The following ADRA1A variants were observed in gnomAD, a reference collection of about 807,000 sequenced individuals.
The protein encoded by ADRA1A is alpha-1A adrenergic receptor.
Under a neutral mutation model 29.6 loss-of-function variants are expected in ADRA1A, and 31 were observed. The observed-to-expected ratio is 1.05, with a 90% CI of 0.79 to 1.41. The LOEUF is 1.41. Among genes scored for constraint, ADRA1A ranks in the 40% most tolerant of loss-of-function variants. The pLI is 0.00. For synonymous variants in ADRA1A, 311 were observed against 254.3 expected, an observed-to-expected ratio of 1.22 and a Z score of -2.12; for missense variants, 619 against 601.1, an observed-to-expected ratio of 1.03 and a Z score of -0.31.
Position 26,823,372 on chromosome 8 carries a change from T to A in ADRA1A, c.883+40715A>T, listed in dbSNP as rs937926160. Among the ~76,000 whole-genome samples, 7 of 152,118 alleles carry A rather than the reference T, an allele frequency of 4.6e-5. No individual in the cohort carries two copies. The highest frequency in any genetic ancestry group is 4.6e-4 in the Admixed American group (7 of 15,266). Reference sequence around the variant, plus strand: ...TCACAGAATTCATCATCAAGATAGGTCATGAATGGGAATGCACACCAGTGT... The same window carrying A: ...TCACAGAATTCATCATCAAGATAGGACATGAATGGGAATGCACACCAGTGT... On this transcript the variant is annotated intron_variant, in intron 2 of 2. Coordinates refer to ENST00000380573, the MANE Select transcript of ADRA1A (RefSeq NM_000680.4). This position sits in a 1 kb window ranked among gnomAD's most constrained non-coding sequence, Gnocchi z 4.2.
At position 26,864,886 on chromosome 8, in the gene ADRA1A, C is replaced by T. The variant is rs769433940; in HGVS notation, c.84G>A (p.Leu28=). ...PAPVNISKAI[L]LGVILGGLIL... ...TGAGGCCCCCCAAGATCACCCCGAG[C>T]AGAATGGCCTTGGAAATGTTCACCG... Residue 28 remains leucine, a synonymous_variant, in exon 2 of 3, where the codon CTG becomes CTA. Transcript: ENST00000380573. This position sits in a 1 kb window ranked among gnomAD's most constrained non-coding sequence, Gnocchi z 8.1. 1 of 1,614,014 alleles carries T rather than the reference C, an allele frequency of 6.2e-7. No individual in the cohort carries two copies. The highest frequency in any genetic ancestry group is 2.2e-5 in the East Asian group (1 of 44,844).
At chr8:26,756,310 C>A, downstream of ADRA1A, 1 of 591,318 alleles carries the variant, frequency 1.7e-6, no homozygotes, top group Admixed American at 3.7e-5. Context: ...ATGAATACAT[C>A]TCTTAAGAAT....
chr8:26,815,197 A>T lies in ADRA1A; in HGVS notation c.884-44531T>A, dbSNP rs1380602356. Among the ~76,000 whole-genome samples, 1 of 152,340 alleles carries T rather than the reference A, an allele frequency of 6.6e-6. No homozygotes were observed. The highest frequency in any genetic ancestry group is 2.1e-4 in the South Asian group (1 of 4,820). ...AAATCTTGTGGTAAACTATAATAGG[A>T]TAACAGTCTTAAATAGATACTTGAA... On this transcript the variant is annotated intron_variant, in intron 2 of 2. Transcript: ENST00000380573. The surrounding 1 kb of genome is among the most constrained non-coding windows in gnomAD (Gnocchi z 4.2).
At chr8:26,842,908 C>CA (rs58232064) in intron 2 of ADRA1A, among the ~76,000 whole-genome samples, 14 of 143,914 alleles carry the variant, frequency 9.7e-5, no homozygotes, top group Non-Finnish European at 2.1e-4. Context: ...CACACACACA[C>CA]CACTCAAGGA....
chr8:26,769,262 G>A lies in ADRA1A; in HGVS notation c.*887C>T, dbSNP rs1429454661. Reference sequence around the variant, plus strand: ...GAAATGGCTGTGCAGTAAGTGAACAGCCTCTATCTTTGCAAGAAATTAACA... The same window carrying A: ...GAAATGGCTGTGCAGTAAGTGAACAACCTCTATCTTTGCAAGAAATTAACA... On this transcript the variant is annotated 3_prime_UTR_variant, in exon 3 of 3. Coordinates refer to ENST00000380573, the MANE Select transcript of ADRA1A (RefSeq NM_000680.4). The A allele has an allele frequency of 1.0e-6, 1 of 985,300 alleles. No homozygotes were observed. Among genetic ancestry groups the A allele is most frequent in the Non-Finnish European group, 1.2e-6 (1 of 829,932 alleles). The allele number at this position is 985,300 out of a possible 1,614,324, so 61.0% of individuals were successfully genotyped here. A position where few individuals can be genotyped will look rare whatever the true frequency, so the allele number is the denominator to read the frequency against.
At chr8:26,835,158 T>G (rs535491179) in intron 2 of ADRA1A, among the ~76,000 whole-genome samples, 36 of 152,356 alleles carry the variant, frequency 2.4e-4, no homozygotes, top group African/African-American at 7.5e-4. Flanking sequence ...TGCACCATTA[T>G]ATAACTCATC....
Position 26,859,093 on chromosome 8 carries a change from A to C in ADRA1A, c.883+4994T>G. 2.3e-6 allele frequency: 3 copies of C among 1,288,782 alleles called. No individual in the cohort carries two copies. In the African/African-American group the frequency reaches 4.6e-5, roughly 20 times the overall value. 79.8% of individuals were successfully genotyped at this position (1,288,782 alleles called of 1,614,324 possible). The stretch of plus-strand genomic sequence containing the variant: ...GTTTCACTTCTCAGCTGTGGATAGC[A>C]CACTCATCCCTGCCCTGGTTTCAGT... On this transcript the variant is annotated intron_variant, in intron 2 of 2. Coordinates refer to ENST00000380573, the MANE Select transcript of ADRA1A (RefSeq NM_000680.4).
chr8:26,764,228 C>A (rs528347314), downstream of ADRA1A, among the ~76,000 whole-genome samples: 1 of 152,200 alleles, frequency 6.6e-6, no homozygotes, highest in African/African-American at 2.4e-5. Flanking sequence ...GGGACCTCTA[C>A]GTTCCTGAGG....
intron 2 of ADRA1A, among the ~76,000 whole-genome samples, chr8:26,842,955 C>A (rs896554093): frequency 1.3e-5 from 2 of 151,788 alleles, no homozygotes; most frequent in Non-Finnish European, 2.9e-5. Context: ...GTGTTCACTC[C>A]TGTCTTGGAG....
intron 2 of ADRA1A, among the ~76,000 whole-genome samples, chr8:26,827,051 A>G (rs1333278381): frequency 6.6e-6 from 1 of 152,210 alleles, no homozygotes; most frequent in African/African-American, 2.4e-5. Flanking sequence ...GGAGGGCAAG[A>G]ACTGAATCTC....
At chr8:26,763,369 A>T (rs1275459095), downstream of ADRA1A, among the ~76,000 whole-genome samples, 1 of 151,896 alleles carries the variant, frequency 6.6e-6, no homozygotes, top group East Asian at 1.9e-4. The surrounding 1 kb of genome is among the most constrained non-coding windows in gnomAD (Gnocchi z 4.5). Context: ...TATTGTTGCT[A>T]CTCTTAGGGT....
rs1261037101 is a variant in ADRA1A at position 26,864,400 on chromosome 8, C to G, written c.570G>C (p.Leu190=). 2 of 1,613,516 alleles carry G rather than the reference C, an allele frequency of 1.2e-6. No homozygotes were observed. The highest frequency in any genetic ancestry group is 1.7e-6 in the Non-Finnish European group (2 of 1,180,022). ...EEPGYVLFSA[L]GSFYLPLAII... is the part of the protein sequence containing the mutation. ...TGGCCAGAGGCAGGTAGAAGGAGCC[C>G]AGCGCTGAGAAGAGCACGTAGCCCG... Residue 190 remains leucine (L), a synonymous_variant, in exon 2 of 3, where the codon CTG becomes CTC. Coordinates refer to ENST00000380573, the MANE Select transcript of ADRA1A (RefSeq NM_000680.4). This position sits in a 1 kb window ranked among gnomAD's most constrained non-coding sequence, Gnocchi z 8.1.
chr8:26,863,996 C>G, intron 2 of ADRA1A, 91 bp downstream of exon 2: 1 of 1,353,502 alleles, frequency 7.4e-7, no homozygotes, highest in Non-Finnish European at 1.0e-6. Context: ...CTAATCCTTC[C>G]TCTTCCATCC....
chr8:26,801,079 G>T (rs913439050), intron 2 of ADRA1A, among the ~76,000 whole-genome samples: 1 of 151,938 alleles, frequency 6.6e-6, no homozygotes, highest in Admixed American at 6.6e-5. Flanking sequence ...ATTCAACATC[G>T]CTTCATGATA....
In ADRA1A at chr8:26,815,217, C is replaced by T. The variant is rs1480970633; in HGVS notation, c.884-44551G>A. On this transcript the variant is annotated intron_variant, in intron 2 of 2. Coordinates refer to ENST00000380573, the MANE Select transcript of ADRA1A (RefSeq NM_000680.4). The surrounding 1 kb of genome is among the most constrained non-coding windows in gnomAD (Gnocchi z 4.2). ...ATAGGATAACAGTCTTAAATAGATA[C>T]TTGAAATCACATGCAGATTTCCTTT... is the stretch of plus-strand genomic sequence containing the variant. Among the ~76,000 whole-genome samples the T allele has an allele frequency of 6.6e-6, 1 of 152,134 alleles. No homozygotes were observed. Among genetic ancestry groups the T allele is most frequent in the Non-Finnish European group, 1.5e-5 (1 of 68,026 alleles).
chr8:26,757,232 G>A (rs61759712), intron 2 of ADRA1A: 56,184 of 685,316 alleles, frequency 0.082, 3,564 homozygotes, highest in East Asian at 0.28. Flanking sequence ...TCTGAGTCAC[G>A]AGAGACCATT....
chr8:26,802,590 G>A (rs936396639), intron 2 of ADRA1A, among the ~76,000 whole-genome samples: 1 of 152,168 alleles, frequency 6.6e-6, no homozygotes, highest in African/African-American at 2.4e-5. Context: ...TGGTGAGGAT[G>A]TGGAGAAAAG....
intron 2 of ADRA1A, among the ~76,000 whole-genome samples, chr8:26,807,263 CTG>C (rs1306722036): frequency 1.3e-5 from 2 of 152,166 alleles, no homozygotes; most frequent in Non-Finnish European, 2.9e-5. Flanking sequence ...GGTGATCATA[CTG>C]ATTTTCAGAT....
intron 2 of ADRA1A, among the ~76,000 whole-genome samples, chr8:26,837,131 G>T (rs1811435096): frequency 6.8e-6 from 1 of 146,112 alleles, no homozygotes; most frequent in South Asian, 2.1e-4. Flanking sequence ...AGAGATATTT[G>T]TCCTTGTCAA....
Sources: gnomAD v4.1 joint callset for allele counts (sites outside exome capture counted in the v4.1 genomes callset) on GRCh38, gnomAD v4.1.1 for gene constraint, Gnocchi (gnomAD v3.1) non-coding constraint, MANE v1.5 for transcripts, NCBI Gene and HGNC (gene_info 2026-07-23, HGNC 2026-07-21) for gene names.